Variants in DAB1 observed in about 807,000 individuals in gnomAD.
DAB1 encodes disabled homolog 1.
A neutral mutation model predicts 64.6 loss-of-function variants in DAB1; 15 were observed. The ratio of observed to expected loss-of-function variants is 0.23; its 90% confidence interval spans 0.16 to 0.36. The LOEUF (loss-of-function observed/expected upper bound fraction) is 0.36, where lower values mean the gene tolerates loss of function less well. DAB1 is among the 10% of genes least tolerant of loss of function. The pLI, the probability that DAB1 is intolerant of heterozygous loss-of-function variation, is 1.00. For missense variants in DAB1, 596 were observed against 706.7 expected, an observed-to-expected ratio of 0.84 and a Z score of 1.78; for synonymous variants, 235 against 251.9, an observed-to-expected ratio of 0.93 and a Z score of 0.64.
chr1:57,298,490 G>A (rs1193489800), intron 1 of DAB1, among the ~76,000 whole-genome samples: 2 of 152,126 alleles, frequency 1.3e-5, no homozygotes, highest in Non-Finnish European at 2.9e-5. Context: ...CTGATAGATT[G>A]ACAGCCTTGG....
intron 9 of DAB1, among the ~76,000 whole-genome samples, chr1:57,055,646 G>C (rs1242390710): frequency 1.3e-5 from 2 of 152,184 alleles, no homozygotes; most frequent in Non-Finnish European, 2.9e-5. Context: ...GGAACGCTCT[G>C]TAACCTCAAA....
chr1:58,312,617 G>A (rs1662455032), intron 4 of DAB1, among the ~76,000 whole-genome samples: 1 of 152,228 alleles, frequency 6.6e-6, no homozygotes, highest in African/African-American at 2.4e-5. Flanking sequence ...TTATAAGTGT[G>A]AGAGTCAATG....
At chr1:58,283,340 T>A (rs1280278277) in intron 4 of DAB1, among the ~76,000 whole-genome samples, 1 of 152,184 alleles carries the variant, frequency 6.6e-6, no homozygotes, top group Non-Finnish European at 1.5e-5. Context: ...TGGAGTAGTA[T>A]CTGCTCAGCT....
chr1:57,725,812 C>T (rs1007159743), intron 6 of DAB1, among the ~76,000 whole-genome samples: 7 of 151,556 alleles, frequency 4.6e-5, no homozygotes, highest in African/African-American at 7.3e-5. Flanking sequence ...AGTGCGGTGG[C>T]GCGATCTCAG....
intron 6 of DAB1, among the ~76,000 whole-genome samples, chr1:57,767,040 G>A (rs1649343479): frequency 6.6e-6 from 1 of 152,062 alleles, no homozygotes; most frequent in Non-Finnish European, 1.5e-5. Context: ...CACCTTTTCA[G>A]CCCATCAATG....
At chr1:58,076,982 T>G (rs980333746) in intron 5 of DAB1, among the ~76,000 whole-genome samples, 2 of 152,176 alleles carry the variant, frequency 1.3e-5, no homozygotes, top group Admixed American at 1.3e-4. Context: ...AGGATGGTCC[T>G]CCTAACATCA....
At chr1:58,495,090 T>C (rs964126080) in intron 3 of DAB1, among the ~76,000 whole-genome samples, 12 of 152,052 alleles carry the variant, frequency 7.9e-5, no homozygotes, top group Non-Finnish European at 1.8e-4. Context: ...TATGCAGCCA[T>C]AAAAAAGGAT....
intron 5 of DAB1, among the ~76,000 whole-genome samples, chr1:58,129,308 C>T (rs1653359177): frequency 6.6e-6 from 1 of 150,636 alleles, no homozygotes; most frequent in African/African-American, 2.4e-5. Flanking sequence ...GTGATATCCC[C>T]TTTATCATTT....
chr1:58,452,502 A>C (rs894921173), intron 3 of DAB1, among the ~76,000 whole-genome samples: 1 of 152,006 alleles, frequency 6.6e-6, no homozygotes, highest in African/African-American at 2.4e-5. Flanking sequence ...ACTCTGCAAA[A>C]AAGTCTACAG....
intron 5 of DAB1, among the ~76,000 whole-genome samples, chr1:58,035,579 T>C (rs1014823820): frequency 2.0e-5 from 3 of 151,318 alleles, no homozygotes; most frequent in African/African-American, 7.4e-5. Flanking sequence ...AAATAGCAAA[T>C]GCATCAGAAT....
At chr1:58,103,871 T>A (rs1466205708) in intron 5 of DAB1, among the ~76,000 whole-genome samples, 1 of 152,154 alleles carries the variant, frequency 6.6e-6, no homozygotes, top group East Asian at 1.9e-4. Flanking sequence ...TGAGTCCTAG[T>A]AACTTGCTTG....
intron 1 of DAB1, among the ~76,000 whole-genome samples, chr1:57,311,137 G>A (rs1024157904): frequency 1.3e-5 from 2 of 152,136 alleles, no homozygotes; most frequent in Non-Finnish European, 2.9e-5. Context: ...CCAAGAAAAC[G>A]ACAGCTGTTA....
chr1:57,951,744 T>C (rs1031960249), intron 5 of DAB1, among the ~76,000 whole-genome samples: 1 of 152,098 alleles, frequency 6.6e-6, no homozygotes, highest in African/African-American at 2.4e-5. Context: ...CATGGTATCA[T>C]TCCCTCCCTT....
At chr1:57,480,466 A>C (rs1431857972) in intron 7 of DAB1, among the ~76,000 whole-genome samples, 1 of 151,128 alleles carries the variant, frequency 6.6e-6, no homozygotes, top group East Asian at 1.9e-4. Flanking sequence ...GATAAGATAA[A>C]TTTCATCATA....
chr1:58,241,386 G>A (rs927040670), intron 4 of DAB1, among the ~76,000 whole-genome samples: 1 of 151,712 alleles, frequency 6.6e-6, no homozygotes, highest in Non-Finnish European at 1.5e-5. Context: ...GGATAGTCAG[G>A]GTTAGAACCA....
chr1:57,541,507 G>A (rs910397918), intron 7 of DAB1, among the ~76,000 whole-genome samples: 1 of 152,202 alleles, frequency 6.6e-6, no homozygotes, highest in East Asian at 1.9e-4. Flanking sequence ...CATAGTGCCA[G>A]TATAACAAAG....
intron 2 of DAB1, among the ~76,000 whole-genome samples, chr1:57,153,993 A>G (rs1440719488): frequency 6.6e-6 from 1 of 152,170 alleles, no homozygotes; most frequent in African/African-American, 2.4e-5. Flanking sequence ...TGCAATGCAT[A>G]CTAATCACAT....
At chr1:57,515,588 T>C (rs1415035297) in intron 7 of DAB1, among the ~76,000 whole-genome samples, 2 of 152,240 alleles carry the variant, frequency 1.3e-5, no homozygotes, top group Non-Finnish European at 2.9e-5. Flanking sequence ...GTCCTCTTCT[T>C]CCAGAAGGTG....
At chr1:58,102,138 A>G (rs755236032) in intron 5 of DAB1, among the ~76,000 whole-genome samples, 4 of 152,340 alleles carry the variant, frequency 2.6e-5, no homozygotes, top group Non-Finnish European at 5.9e-5. Context: ...TCACTTCTCC[A>G]AGGCTACACC....
Sources: gnomAD v4.1 joint callset for allele counts (sites outside exome capture counted in the v4.1 genomes callset) on GRCh38, gnomAD v4.1.1 for gene constraint, MANE v1.5 for transcripts, NCBI Gene and HGNC (gene_info 2026-07-23, HGNC 2026-07-21) for gene names.